RMDN2: variants seen among roughly 807,000 people sequenced by gnomAD.
RMDN2 encodes the protein regulator of microtubule dynamics 2.
Under a neutral mutation model 52.8 loss-of-function variants are expected in RMDN2, and 61 were observed. That is an observed-to-expected ratio of 1.16 (90% confidence interval 0.94 to 1.43). The LOEUF (loss-of-function observed/expected upper bound fraction) is 1.43, where lower values mean the gene tolerates loss of function less well. Among genes scored for constraint, RMDN2 ranks in the 40% most tolerant of loss-of-function variants. RMDN2 has a pLI of 0.00. For missense variants in RMDN2, 592 were observed against 475.3 expected, an observed-to-expected ratio of 1.25 and a Z score of -2.28; for synonymous variants, 180 against 153.1, an observed-to-expected ratio of 1.18 and a Z score of -1.30.
At chr2:38,046,989 A>C (rs1033772693) in intron 10 of RMDN2, among the ~76,000 whole-genome samples, 2 of 152,216 alleles carry the variant, frequency 1.3e-5, no homozygotes, top group Admixed American at 1.3e-4. Flanking sequence ...TCTTGAAAAA[A>C]AACAAAAAAG....
At chr2:38,008,592 A>G (rs1378511282) in intron 10 of RMDN2, among the ~76,000 whole-genome samples, 3 of 151,986 alleles carry the variant, frequency 2.0e-5, no homozygotes, top group African/African-American at 7.3e-5. Flanking sequence ...TTTTGAGCCT[A>G]TGTGTGTCTC....
chr2:37,999,589 G>C (rs1676039464), intron 8 of RMDN2, among the ~76,000 whole-genome samples: 1 of 152,096 alleles, frequency 6.6e-6, no homozygotes, highest in Non-Finnish European at 1.5e-5. Flanking sequence ...AGGACTGAGG[G>C]GTCTGGAGTG....
At chr2:37,998,104 A>G (rs1173256005) in intron 8 of RMDN2, 1 of 152,272 alleles carries the variant, frequency 6.6e-6, no homozygotes, top group Non-Finnish European at 1.5e-5. Context: ...TAAATGTATA[A>G]TATAGCCACC....
chr2:37,941,975 C>T (rs917862777), intron 2 of RMDN2, among the ~76,000 whole-genome samples: 2 of 151,342 alleles, frequency 1.3e-5, no homozygotes, highest in Admixed American at 1.3e-4. Flanking sequence ...GCAGCTAGCT[C>T]GGTATCTGCC....
intron 10 of RMDN2, among the ~76,000 whole-genome samples, chr2:38,058,897 A>G (rs188154906): frequency 2.0e-5 from 3 of 152,308 alleles, no homozygotes; most frequent in East Asian, 3.9e-4. Flanking sequence ...ACTCTTGTGT[A>G]TGTATCTTTA....
rs199937275 is a variant in RMDN2 at position 37,971,410 on chromosome 2, G to A, written c.453-2630G>A. ...TAATTTTAAGAAATTATTTCTGGACGCTTAATTTTGAATAGATGATCCATA... is the reference window on the plus strand; with the variant it reads ...TAATTTTAAGAAATTATTTCTGGACACTTAATTTTGAATAGATGATCCATA... On this transcript the variant is annotated intron_variant, in intron 2 of 10. Coordinates refer to ENST00000354545, the MANE Select transcript of RMDN2 (RefSeq NM_001170791.3). 5.9e-5 allele frequency among the ~76,000 whole-genome samples: 9 copies of A among 152,094 alleles called. No individual in the cohort carries two copies. The South Asian group carries it at 6.2e-4, about 11-fold the overall frequency.
chr2:38,018,572 A>G (rs1222497154), downstream of RMDN2, among the ~76,000 whole-genome samples: 1 of 152,218 alleles, frequency 6.6e-6, no homozygotes, highest in African/African-American at 2.4e-5. Context: ...GTTATAGGCA[A>G]CGGCACAGAA....
At chr2:38,015,504 G>T (rs1408096889) in intron 10 of RMDN2, among the ~76,000 whole-genome samples, 1 of 151,102 alleles carries the variant, frequency 6.6e-6, no homozygotes, top group Non-Finnish European at 1.5e-5. Flanking sequence ...GGCGGAGGTT[G>T]CAGTAGGCGG....
At position 37,968,509 on chromosome 2, in the gene RMDN2, C is replaced by CTATTT. The variant is rs535555759; in HGVS notation, c.453-5530_453-5526dup. Among the ~76,000 whole-genome samples, 182 of 151,346 alleles carry CTATTT rather than the reference C, an allele frequency of 1.2e-3. 1 individual carries two copies. The highest frequency in any genetic ancestry group is 4.3e-3 in the African/African-American group (176 of 41,220). On this transcript the variant is annotated intron_variant, in intron 2 of 10. Transcript: ENST00000354545. ...GATGTTTTCATGGGGAAATGAGGAC[C>CTATTT]TATTTCAATGTAACTCACTCCTGAT...
At chr2:38,060,786 A>G (rs1199626940) in intron 10 of RMDN2, among the ~76,000 whole-genome samples, 3 of 151,462 alleles carry the variant, frequency 2.0e-5, no homozygotes, top group Non-Finnish European at 4.4e-5. Flanking sequence ...GGGGTTAAAC[A>G]ATAAAGTTAG....
At chr2:37,981,469 A>G in intron 5 of RMDN2, 126 bp downstream of exon 5, 1 of 637,954 alleles carries the variant, frequency 1.6e-6, no homozygotes, top group Non-Finnish European at 2.8e-6. Context: ...AAAAATATGT[A>G]TAATAGCACA....
chr2:37,957,117 C>T (rs916404336), intron 2 of RMDN2, among the ~76,000 whole-genome samples: 1 of 152,104 alleles, frequency 6.6e-6, no homozygotes. Context: ...AATAAACATA[C>T]AGGTGTATGT....
chr2:37,929,386 A>G lies in RMDN2; in HGVS notation c.109A>G (p.Met37Val). The G allele has an allele frequency of 6.4e-7, 1 of 1,551,702 alleles. No individual in the cohort carries two copies. The change falls in exon 2 of 11, where the codon ATG (methionine) becomes GTG (valine). Residue 37 changes from methionine to valine, a missense_variant. Physicochemically the swap from Met to Val is conservative, Grantham distance 21. Coordinates refer to ENST00000354545, the MANE Select transcript of RMDN2 (RefSeq NM_001170791.3). ...YHKVRKPGIAMKLPEFLSLGN... is the reference protein window; with the variant it reads ...YHKVRKPGIAVKLPEFLSLGN... ...CAAGGTCCGTAAACCAGGGATAGCAATGAAGTTACCTGAATTTCTTTCTCT... is the reference window on the plus strand; with the variant it reads ...CAAGGTCCGTAAACCAGGGATAGCAGTGAAGTTACCTGAATTTCTTTCTCT...
At chr2:38,034,827 T>TTCC (rs769711981) in intron 10 of RMDN2, among the ~76,000 whole-genome samples, 106,509 of 150,938 alleles carry the variant, frequency 0.71, 39,193 homozygotes, top group African/African-American at 0.92. Flanking sequence ...ATTTTAAAAT[T>TTCC]TAATAAGTAG....
At chr2:38,038,221 A>G (rs1294341867) in intron 10 of RMDN2, among the ~76,000 whole-genome samples, 1 of 152,070 alleles carries the variant, frequency 6.6e-6, no homozygotes, top group African/African-American at 2.4e-5. Flanking sequence ...TTAGACTTAG[A>G]CGCAGCGTCC....
At chr2:37,956,619 G>A (rs1470393186) in intron 2 of RMDN2, among the ~76,000 whole-genome samples, 2 of 151,314 alleles carry the variant, frequency 1.3e-5, no homozygotes, top group Non-Finnish European at 3.0e-5. Flanking sequence ...TTCGATTTAG[G>A]TTGTTGATTC....
At chr2:37,938,432 C>G (rs1014876967) in intron 2 of RMDN2, among the ~76,000 whole-genome samples, 1 of 152,190 alleles carries the variant, frequency 6.6e-6, no homozygotes. Context: ...GGAGGAGTCC[C>G]TCTTTTTCTG....
At chr2:37,926,055 C>G (rs2124875095) in intron 1 of RMDN2, among the ~76,000 whole-genome samples, 1 of 152,330 alleles carries the variant, frequency 6.6e-6, no homozygotes, top group Non-Finnish European at 1.5e-5. Context: ...TGTAGGAAAT[C>G]TGATCACTAG....
intron 5 of RMDN2, among the ~76,000 whole-genome samples, chr2:37,988,427 A>G (rs931940975): frequency 1.3e-5 from 2 of 152,214 alleles, no homozygotes; most frequent in Non-Finnish European, 1.5e-5. Flanking sequence ...TGCTTTTACT[A>G]TAGCAGATTC....
Sources: allele counts gnomAD v4.1 joint callset (sites outside exome capture counted in the v4.1 genomes callset), GRCh38; gene constraint gnomAD v4.1.1; transcripts MANE v1.5; gene names NCBI Gene and HGNC (gene_info 2026-07-23, HGNC 2026-07-21).